Variants in AGMO observed in about 807,000 individuals in gnomAD.
AGMO encodes alkylglycerol monooxygenase.
A neutral mutation model predicts 60.2 loss-of-function variants in AGMO; 75 were observed. That is an observed-to-expected ratio of 1.25 (90% CI 1.03 to 1.51). The LOEUF (loss-of-function observed/expected upper bound fraction) is 1.51, where lower values mean the gene tolerates loss of function less well. Among genes scored for constraint, AGMO ranks in the 40% most tolerant of loss-of-function variants. The pLI, the probability that AGMO is intolerant of heterozygous loss-of-function variation, is 0.00. For missense variants in AGMO, 763 were observed against 525.5 expected (o/e 1.45, Z -4.42); for synonymous variants, 261 against 177.1 (o/e 1.47, Z -3.76).
At position 15,528,781 on chromosome 7, in the gene AGMO, T is replaced by C. The variant is rs1326950320; in HGVS notation, c.409+15991A>G. ...CTCCCACTTCAGACTCCCAAGTAGC[T>C]GGGATTACAGGCATGCGCCACCACA... On this transcript the variant is annotated intron_variant, in intron 3 of 12. Coordinates refer to ENST00000342526, the MANE Select transcript of AGMO (RefSeq NM_001004320.2). Among the ~76,000 whole-genome samples, 5 of 152,218 alleles carry C rather than the reference T, an allele frequency of 3.3e-5. No homozygotes were observed. The East Asian group carries it at 9.7e-4, about 29-fold the overall frequency.
chr7:15,425,026 T>C (rs1191721082), intron 4 of AGMO, among the ~76,000 whole-genome samples: 2 of 152,222 alleles, frequency 1.3e-5, no homozygotes, highest in Admixed American at 6.5e-5. Context: ...CAGTCTCATA[T>C]GTAATATAAA....
chr7:15,375,847 T>A (rs536133525), intron 10 of AGMO, among the ~76,000 whole-genome samples: 1 of 152,126 alleles, frequency 6.6e-6, no homozygotes, highest in Non-Finnish European at 1.5e-5. Flanking sequence ...GAGGAGGTTA[T>A]CATTGTGTTT....
the AGMO span, among the ~76,000 whole-genome samples, chr7:15,162,305 T>G: frequency 1.3e-5 from 2 of 152,108 alleles, no homozygotes; most frequent in Admixed American, 1.3e-4. Context: ...ACACCTTTAA[T>G]AATTTGCAAA....
chr7:15,389,607 C>A (rs757501291), intron 8 of AGMO, among the ~76,000 whole-genome samples: 1 of 151,886 alleles, frequency 6.6e-6, no homozygotes, highest in African/African-American at 2.4e-5. Flanking sequence ...TTGTTATGGC[C>A]CTTTACGTAA....
At chr7:15,298,334 C>T (rs528279721) in intron 12 of AGMO, among the ~76,000 whole-genome samples, 1 of 152,226 alleles carries the variant, frequency 6.6e-6, no homozygotes, top group Admixed American at 6.5e-5. Context: ...AATCATTCAA[C>T]CAATGTGATC....
At chr7:15,339,372 G>C (rs546360705) in intron 12 of AGMO, among the ~76,000 whole-genome samples, 11 of 152,088 alleles carry the variant, frequency 7.2e-5, no homozygotes, top group African/African-American at 2.2e-4. Flanking sequence ...AGACATGATT[G>C]TAATTAACAC....
At chr7:15,364,402 G>C (rs1443239800) in intron 12 of AGMO, among the ~76,000 whole-genome samples, 5 of 151,956 alleles carry the variant, frequency 3.3e-5, no homozygotes, top group Admixed American at 3.3e-4. Flanking sequence ...AGAGAATCCT[G>C]TATCATGTTT....
intron 3 of AGMO, among the ~76,000 whole-genome samples, chr7:15,472,728 A>G (rs1782481807): frequency 1.3e-5 from 2 of 151,960 alleles, no homozygotes; most frequent in South Asian, 4.1e-4. Context: ...TGTTGTGGTA[A>G]TATTAGCCTA....
chr7:15,335,599 G>T (rs1781633718), intron 12 of AGMO, among the ~76,000 whole-genome samples: 1 of 152,080 alleles, frequency 6.6e-6, no homozygotes, highest in Non-Finnish European at 1.5e-5. Context: ...GCATCTTTGT[G>T]CAGACAGGCC....
At chr7:15,284,105 G>C (rs1340571775) in intron 12 of AGMO, among the ~76,000 whole-genome samples, 1 of 151,972 alleles carries the variant, frequency 6.6e-6, no homozygotes, top group African/African-American at 2.4e-5. Flanking sequence ...AGTCTGTAGT[G>C]CTAAATGCCT....
Position 15,365,515 on chromosome 7 carries a change from T to G in AGMO, c.1262A>C (p.Glu421Ala), listed in dbSNP as rs1782938788. ...PLVPSLSSAFEIVFSICIAFW... is the reference protein window; with the variant it reads ...PLVPSLSSAFAIVFSICIAFW... ...TGGCTACCTAAACAAATGTCTTACC[T>G]CAAAAGCAGATGACAATGAAGGGAC... The change falls in exon 12 of 13, where the codon GAG (glutamate) becomes GCG (alanine). Residue 421 changes from glutamate to alanine, a missense_variant and splice_region_variant. Glu to Ala is a moderately radical substitution (Grantham distance 107). Coordinates refer to ENST00000342526, the MANE Select transcript of AGMO (RefSeq NM_001004320.2). The G allele has an allele frequency of 6.2e-7, 1 of 1,606,626 alleles. No homozygotes were observed.
At chr7:15,282,855 C>G (rs77544760) in intron 12 of AGMO, among the ~76,000 whole-genome samples, 3,374 of 152,192 alleles carry the variant, frequency 0.022, 125 homozygotes, top group African/African-American at 0.078. Flanking sequence ...CATCAGGTAA[C>G]CTCTGAAGGA....
chr7:15,519,606 T>G (rs571665016), intron 3 of AGMO, among the ~76,000 whole-genome samples: 1 of 152,240 alleles, frequency 6.6e-6, no homozygotes, highest in South Asian at 2.1e-4. Flanking sequence ...AAGCAAATGC[T>G]GAGGGATTTT....
intron 12 of AGMO, among the ~76,000 whole-genome samples, chr7:15,324,424 G>C (rs1240974806): frequency 2.0e-5 from 3 of 152,076 alleles, no homozygotes; most frequent in Non-Finnish European, 4.4e-5. Context: ...TATTACAGTA[G>C]GATCTCTCAA....
chr7:15,317,817 G>C (rs1780972577), intron 12 of AGMO, among the ~76,000 whole-genome samples: 2 of 150,090 alleles, frequency 1.3e-5, no homozygotes, highest in South Asian at 2.1e-4. Flanking sequence ...CACTAGAAGA[G>C]ATATTGAAAG....
intron 10 of AGMO, among the ~76,000 whole-genome samples, chr7:15,383,990 C>T (rs1783806821): frequency 6.6e-6 from 1 of 152,010 alleles, no homozygotes; most frequent in Non-Finnish European, 1.5e-5. Flanking sequence ...GGCTGGAGTG[C>T]AGTGGCGCGA....
intron 10 of AGMO, among the ~76,000 whole-genome samples, chr7:15,383,202 C>G (rs752487324): frequency 1.3e-4 from 20 of 151,994 alleles, no homozygotes; most frequent in Non-Finnish European, 2.1e-4. Context: ...CAGTATTTTA[C>G]CTAGAGCAAG....
At chr7:15,529,367 T>C (rs2128540011) in intron 3 of AGMO, among the ~76,000 whole-genome samples, 1 of 150,284 alleles carries the variant, frequency 6.7e-6, no homozygotes, top group South Asian at 2.1e-4. Flanking sequence ...CATCTGTCAA[T>C]AATCTTCAAT....
intron 12 of AGMO, among the ~76,000 whole-genome samples, chr7:15,350,936 T>C (rs1782215894): frequency 6.6e-6 from 1 of 152,198 alleles, no homozygotes; most frequent in South Asian, 2.1e-4. Context: ...CTCCTTGCTC[T>C]TCTTGTTGTT....
Sources: gnomAD v4.1 joint callset for allele counts (sites outside exome capture counted in the v4.1 genomes callset) on GRCh38, gnomAD v4.1.1 for gene constraint, MANE v1.5 for transcripts, NCBI Gene and HGNC (gene_info 2026-07-23, HGNC 2026-07-21) for gene names.